Variants in RET observed in about 807,000 individuals in gnomAD.
RET encodes ret proto-oncogene.
A neutral mutation model predicts 118.3 loss-of-function variants in RET; 19 were observed. That is an observed-to-expected ratio of 0.16 (90% CI 0.11 to 0.24). The LOEUF (loss-of-function observed/expected upper bound fraction) is 0.24, where lower values mean the gene tolerates loss of function less well. RET is among the 10% of genes least tolerant of loss of function. The pLI is 1.00. For missense variants in RET, 1,219 were observed against 1,502.1 expected, an observed-to-expected ratio of 0.81 and a Z score of 3.12; for synonymous variants, 597 against 644.1, an observed-to-expected ratio of 0.93 and a Z score of 1.11.
Position 43,130,173 on chromosome 10 carries a change from C to T in RET, c.*1904C>T, listed in dbSNP as rs1838416191. The T allele has an allele frequency of 2.5e-6, 1 of 396,672 alleles. No individual in the cohort carries two copies. Among genetic ancestry groups the T allele is most frequent in the Non-Finnish European group, 4.4e-6 (1 of 225,344 alleles). The allele number at this position is 396,672 out of a possible 1,614,324, so 24.6% of individuals were successfully genotyped here. ...TATTAGCTCTACTGGAATTTTCATA[C>T]ACGTAAATGCAGAAGTTACTAAGTA... On this transcript the variant is annotated 3_prime_UTR_variant, in exon 20 of 20. Coordinates refer to ENST00000355710, the MANE Select transcript of RET (RefSeq NM_020975.6).
Position 43,118,464 on chromosome 10 carries a change from G to A in RET, c.2376G>A (p.Gly792=), listed in dbSNP as rs756758769. The change falls in exon 13 of 20, where the codon GGG becomes GGA. Residue 792 remains glycine (G), a synonymous_variant. Transcript: ENST00000355710. ...ACCCACATGTCATCAAATTGTATGG[G>A]GCCTGCAGCCAGGATGGTAAGGCCA... ...VNHPHVIKLY[G]ACSQDGPLLL... 1 of 1,613,810 alleles carries A rather than the reference G, an allele frequency of 6.2e-7. No individual in the cohort carries two copies. The highest frequency in any genetic ancestry group is 2.2e-5 in the East Asian group (1 of 44,876).
rs1838379855 is a variant in RET at position 43,128,319 on chromosome 10, G to A, written c.*50G>A. On this transcript the variant is annotated 3_prime_UTR_variant, in exon 20 of 20. Transcript: ENST00000355710. ...CTCACAAGGGGAAGAAACATGCTGA[G>A]AATGGAAAGTCTACCGGCCCTTTCT... 6 of 1,604,774 alleles carry A rather than the reference G, an allele frequency of 3.7e-6. No homozygotes were observed. The East Asian group carries it at 1.3e-4, about 36-fold the overall frequency.
intron 4 of RET, among the ~76,000 whole-genome samples, chr10:43,105,476 C>T (rs1219401182): frequency 6.6e-6 from 1 of 152,100 alleles, no homozygotes; most frequent in African/African-American, 2.4e-5. Context: ...CGGCGCGCTG[C>T]CCGGGCGGGG....
intron 15 of RET, among the ~76,000 whole-genome samples, chr10:43,120,986 T>C (rs1838204833): frequency 6.6e-6 from 1 of 152,088 alleles, no homozygotes; most frequent in Admixed American, 6.5e-5. Flanking sequence ...GATTCAGCTT[T>C]GCTCTGAGGG....
chr10:43,119,952 C>T lies in RET; in HGVS notation c.2608-129C>T, dbSNP rs750863828. ...TCCACCACGCCCCTGCCATGCCACA[C>T]CCCCGGCCCAGGTCTCACCAGGCCG... On this transcript the variant is annotated intron_variant, in intron 14 of 19. Coordinates refer to ENST00000355710, the MANE Select transcript of RET (RefSeq NM_020975.6). 255 of 1,432,750 alleles carry T rather than the reference C, an allele frequency of 1.8e-4. 1 individual carries two copies. The highest frequency in any genetic ancestry group is 2.0e-4 in the Non-Finnish European group (214 of 1,049,164). The allele number at this position is 1,432,750 out of a possible 1,614,324, so 88.8% of individuals were successfully genotyped here.
chr10:43,079,002 C>T (rs1040832806), intron 1 of RET, among the ~76,000 whole-genome samples: 1 of 152,164 alleles, frequency 6.6e-6, no homozygotes, highest in African/African-American at 2.4e-5. Context: ...TCCGGAGGTT[C>T]GAGCCGCACT....
chr10:43,109,878 T>C (rs1034402964), intron 6 of RET, among the ~76,000 whole-genome samples: 1 of 152,258 alleles, frequency 6.6e-6, no homozygotes, highest in African/African-American at 2.4e-5. Flanking sequence ...GTGTTCTTTC[T>C]GGGATGTTTC....
rs560004312 is a variant in RET at position 43,116,483 on chromosome 10, A to G, written c.2137-101A>G. On this transcript the variant is annotated intron_variant, in intron 11 of 19. Coordinates refer to ENST00000355710, the MANE Select transcript of RET (RefSeq NM_020975.6). ...GACAGCCGGTTCTCTGCACATTGGA[A>G]CTTGTCCATGGGGCCTCCTTTAAGG... The G allele has an allele frequency of 4.2e-5, 59 of 1,421,098 alleles. No homozygotes were observed. In the South Asian group the frequency reaches 6.6e-4, roughly 16 times the overall value. 88.0% of individuals were successfully genotyped at this position (1,421,098 alleles called of 1,614,324 possible). A position where few individuals can be genotyped will look rare whatever the true frequency, so the allele number is the denominator to read the frequency against.
intron 1 of RET, among the ~76,000 whole-genome samples, chr10:43,093,525 CAT>C (rs1453266775): frequency 2.0e-5 from 3 of 152,188 alleles, no homozygotes; most frequent in Non-Finnish European, 4.4e-5. Context: ...TGCACACCAG[CAT>C]AGAGACAGGA....
rs554600806 is a variant in RET, at chr10:43,120,944, A to C, written c.2730+741A>C. On this transcript the variant is annotated intron_variant, in intron 15 of 19. Coordinates refer to ENST00000355710, the MANE Select transcript of RET (RefSeq NM_020975.6). Reference sequence around the variant, plus strand: ...ACCCTGCTCAAAAAAGAAGAAGAAGAAAAAAAAAAACCACAAAAGGCGACT... The same window carrying C: ...ACCCTGCTCAAAAAAGAAGAAGAAGCAAAAAAAAAACCACAAAAGGCGACT... 1.3e-3 allele frequency among the ~76,000 whole-genome samples: 189 copies of C among 144,386 alleles called. 1 individual carries two copies. The highest frequency in any genetic ancestry group is 4.6e-3 in the African/African-American group (183 of 39,432). The allele number at this position is 144,386 out of a possible 152,430, so 94.7% of individuals were successfully genotyped here. A position where few individuals can be genotyped will look rare whatever the true frequency, so the allele number is the denominator to read the frequency against.
At chr10:43,077,660 A>T (rs1837078673) in intron 1 of RET, among the ~76,000 whole-genome samples, 2 of 152,086 alleles carry the variant, frequency 1.3e-5, no homozygotes, top group Admixed American at 1.3e-4. Flanking sequence ...CGCGTCCTGG[A>T]GCAAACGGGA....
rs146892599 is a variant in RET at position 43,101,199 on chromosome 10, C to T, written c.337+477C>T. Reference sequence around the variant, plus strand: ...CAGGTGTCCAGGGAGGAAAGAGGAGCAGTCAGAGCCAGAGTCACGGCCACA... The same window carrying T: ...CAGGTGTCCAGGGAGGAAAGAGGAGTAGTCAGAGCCAGAGTCACGGCCACA... On this transcript the variant is annotated intron_variant, in intron 2 of 19. Coordinates refer to ENST00000355710, the MANE Select transcript of RET (RefSeq NM_020975.6). Among the ~76,000 whole-genome samples, 806 of 148,836 alleles carry T rather than the reference C, an allele frequency of 5.4e-3. 9 individuals carry two copies. Among genetic ancestry groups the T allele is most frequent in the African/African-American group, 0.02 (782 of 39,996 alleles).
In RET at chr10:43,106,564, T is replaced by C; in HGVS notation, c.1056T>C (p.His352=). 4.3e-6 allele frequency: 7 copies of C among 1,613,386 alleles called. No individual in the cohort carries two copies. Among genetic ancestry groups the C allele is most frequent in the Non-Finnish European group, 4.2e-6 (5 of 1,179,672 alleles). ...ANGSFVRATV[H]DYRLVLNRNL... ...GCAGCTTCGTGCGGGCGACCGTACA[T>C]GACTATAGTAAGAGGGGCTGGTGGC... The change falls in exon 5 of 20, where the codon CAT becomes CAC. Residue 352 remains histidine, a synonymous_variant. Coordinates refer to ENST00000355710, the MANE Select transcript of RET (RefSeq NM_020975.6). The surrounding 1 kb of genome is among the most constrained non-coding windows in gnomAD (Gnocchi z 5.1).
In RET at chr10:43,123,745, G is replaced by T. The variant is rs745650861; in HGVS notation, c.2876G>T (p.Arg959Leu). 1.2e-6 allele frequency: 2 copies of T among 1,614,174 alleles called. No individual in the cohort carries two copies. The highest frequency in any genetic ancestry group is 2.2e-5 in the East Asian group (1 of 44,880). Residue 959 changes from arginine to leucine, a missense_variant, in exon 17 of 20, where the codon CGG becomes CTG. Transcript: ENST00000355710. ...GNPYPGIPPERLFNLLKTGHR... is the reference protein window; with the variant it reads ...GNPYPGIPPELLFNLLKTGHR... ...CCCTATCCTGGGATTCCTCCTGAGC[G>T]GCTCTTCAACCTTCTGAAGACCGGC... is the stretch of plus-strand genomic sequence containing the variant.
chr10:43,127,969 T>G, intron 19 of RET, 143 bp from the exon 20 acceptor site: 2 of 858,186 alleles, frequency 2.3e-6, no homozygotes, highest in South Asian at 2.8e-5. Flanking sequence ...TTTGGAAACC[T>G]GGAACACAAA....
chr10:43,114,364 T>C lies in RET; in HGVS notation c.1880-116T>C. The stretch of plus-strand genomic sequence containing the variant: ...GCCTTCCCACACCTCCATGGCCACT[T>C]CCCAGCTGGCGCGGACACGGCAGGC... On this transcript the variant is annotated intron_variant, in intron 10 of 19. Coordinates refer to ENST00000355710, the MANE Select transcript of RET (RefSeq NM_020975.6). The surrounding 1 kb of genome is among the most constrained non-coding windows in gnomAD (Gnocchi z 4.6). 6.9e-7 allele frequency: 1 copy of C among 1,444,376 alleles called. No individual in the cohort carries two copies. Among genetic ancestry groups the C allele is most frequent in the Non-Finnish European group, 9.5e-7 (1 of 1,058,052 alleles). The allele number at this position is 1,444,376 out of a possible 1,614,324, so 89.5% of individuals were successfully genotyped here.
At chr10:43,127,241 C>A in intron 19 of RET, 1 of 1,078,212 alleles carries the variant, frequency 9.3e-7, no homozygotes. Flanking sequence ...AAGCCTCAGC[C>A]CCAGTCCCAG....
chr10:43,122,211 GGCC>G (rs1838234290), intron 16 of RET, among the ~76,000 whole-genome samples, 195 bp downstream of exon 16: 1 of 152,158 alleles, frequency 6.6e-6, no homozygotes, highest in East Asian at 1.9e-4. Flanking sequence ...CAAATGGCTG[GGCC>G]AGGCCGGGCT....
intron 2 of RET, among the ~76,000 whole-genome samples, chr10:43,101,968 G>A (rs1837650463): frequency 6.6e-6 from 1 of 152,148 alleles, no homozygotes. Context: ...CATTGGGGAA[G>A]TATGTCTGCG....
Sources: allele counts gnomAD v4.1 joint callset (sites outside exome capture counted in the v4.1 genomes callset), GRCh38; gene constraint gnomAD v4.1.1; non-coding constraint Gnocchi (gnomAD v3.1); transcripts MANE v1.5; gene names NCBI Gene and HGNC (gene_info 2026-07-23, HGNC 2026-07-21).